Variants in REXO1 observed in about 807,000 individuals in gnomAD.
REXO1 encodes RNA exonuclease 1 homolog, also known as REX1, RNA exonuclease 1 homolog.
In REXO1, 42 loss-of-function variants were observed where a neutral mutation model predicts 102.6. The observed-to-expected ratio is 0.41, with a 90% confidence interval of 0.32 to 0.53. The LOEUF is 0.53. REXO1 is among the 20% of genes least tolerant of loss of function. The pLI is 0.27. For missense variants in REXO1, 1,819 were observed against 1,732.5 expected (o/e 1.05, Z -0.89); for synonymous variants, 908 against 779.1 (o/e 1.17, Z -2.76).
chr19:1,819,003 G>A lies in REXO1; in HGVS notation c.2764+15C>T. On this transcript the variant is annotated intron_variant, in intron 8 of 15. Coordinates refer to ENST00000170168, the MANE Select transcript of REXO1 (RefSeq NM_020695.4). ...CCACGAAGCACCGTGTGGCAGAGCA[G>A]GGGCAGGGCCTTACCTTTCAGGTCC... The A allele has an allele frequency of 1.3e-6, 2 of 1,593,970 alleles. No individual in the cohort carries two copies. The highest frequency in any genetic ancestry group is 8.6e-7 in the Non-Finnish European group (1 of 1,168,508).
intron 11 of REXO1, 79 bp from the exon 12 acceptor site, chr19:1,817,408 C>G: frequency 6.4e-7 from 1 of 1,571,110 alleles, no homozygotes; most frequent in Non-Finnish European, 8.6e-7. Context: ...CATCTCTGAG[C>G]CCTTCGGGAC....
intron 7 of REXO1, 68 bp from the exon 8 acceptor site, chr19:1,819,199 T>TGGCCCCCCC: frequency 1.7e-6 from 2 of 1,202,720 alleles, no homozygotes; most frequent in Non-Finnish European, 2.3e-6. Context: ...CCGCCTGCTC[T>TGGCCCCCCC]CCCACCCACC....
intron 1 of REXO1, among the ~76,000 whole-genome samples, chr19:1,840,444 A>T (rs1031645035): frequency 1.3e-5 from 2 of 152,122 alleles, no homozygotes; most frequent in Admixed American, 1.3e-4. Context: ...GAGACAGCAT[A>T]TCAACAGTGA....
chr19:1,845,514 A>G (rs1272588342), intron 1 of REXO1, among the ~76,000 whole-genome samples: 3 of 152,086 alleles, frequency 2.0e-5, no homozygotes, highest in Non-Finnish European at 4.4e-5. Context: ...AATTTTAAAC[A>G]TTAGCGAGGT....
Position 1,815,568 on chromosome 19 carries a change from G to C in REXO1, c.*498C>G. On this transcript the variant is annotated 3_prime_UTR_variant, in exon 16 of 16. Transcript: ENST00000170168. This position sits in a 1 kb window ranked among gnomAD's most constrained non-coding sequence, Gnocchi z 4.0. ...CTGGGGTCTGTCCCACCCCCACCCC[G>C]CAGGAGGGAAGGCAGCAGGCCCGCT... The C allele has an allele frequency of 4.3e-3, 1,603 of 372,926 alleles. 1 individual carries two copies. Among genetic ancestry groups the C allele is most frequent in the Non-Finnish European group, 6.7e-3 (1,452 of 215,848 alleles). The allele number at this position is 372,926 out of a possible 1,614,324, so 23.1% of individuals were successfully genotyped here.
At chr19:1,842,228 AAAGC>A (rs1008341880) in intron 1 of REXO1, among the ~76,000 whole-genome samples, 30 of 152,040 alleles carry the variant, frequency 2.0e-4, no homozygotes, top group Non-Finnish European at 3.7e-4. Flanking sequence ...AAAAAAAAAA[AAAGC>A]AGCAGCAGCA....
rs374402982 is a variant in REXO1, at chr19:1,819,999, T to C, written c.2585A>G (p.Asn862Ser). 1 of 1,599,062 alleles carries C rather than the reference T, an allele frequency of 6.3e-7. No individual in the cohort carries two copies. Among genetic ancestry groups the C allele is most frequent in the Non-Finnish European group, 8.5e-7 (1 of 1,175,816 alleles). The change falls in exon 7 of 16, where the codon AAT becomes AGT. Residue 862 changes from asparagine to serine, a missense_variant. Coordinates refer to ENST00000170168, the MANE Select transcript of REXO1 (RefSeq NM_020695.4). ...DRSPSKNIYLNVAVNTLKKLR... is the reference protein window; with the variant it reads ...DRSPSKNIYLSVAVNTLKKLR... The stretch of plus-strand genomic sequence containing the variant: ...CTTCTTGAGGGTGTTCACGGCCACA[T>C]TCAGGTAGATGTTCTTGCTGGGGCT...
At position 1,815,752 on chromosome 19, in the gene REXO1, G is replaced by T. The variant is rs1256265540; in HGVS notation, c.*314C>A. The T allele has an allele frequency of 7.0e-7, 1 of 1,424,112 alleles. No individual in the cohort carries two copies. Among genetic ancestry groups the T allele is most frequent in the Non-Finnish European group, 9.2e-7 (1 of 1,085,718 alleles). The allele number at this position is 1,424,112 out of a possible 1,614,324, so 88.2% of individuals were successfully genotyped here. On this transcript the variant is annotated 3_prime_UTR_variant, in exon 16 of 16. Transcript: ENST00000170168. The surrounding 1 kb of genome is among the most constrained non-coding windows in gnomAD (Gnocchi z 4.0). ...GAGGTGCCGGCCACCACCCGGGAGG[G>T]AGGGCCTGGCAGGAGGGGCAGGAGG...
At chr19:1,843,023 T>C (rs886391571) in intron 1 of REXO1, among the ~76,000 whole-genome samples, 1 of 152,136 alleles carries the variant, frequency 6.6e-6, no homozygotes, top group Non-Finnish European at 1.5e-5. Flanking sequence ...CCCTTTCCTC[T>C]AACCCCCTCC....
chr19:1,818,421 G>C (rs1416865034), intron 10 of REXO1, 61 bp downstream of exon 10: 1 of 1,328,032 alleles, frequency 7.5e-7, no homozygotes, highest in South Asian at 1.3e-5. Context: ...GGGGCCTCAA[G>C]GGAGGGCCCA....
At position 1,823,668 on chromosome 19, in the gene REXO1, G is replaced by T; in HGVS notation, c.2134C>A (p.Pro712Thr). 3 of 1,294,466 alleles carry T rather than the reference G, an allele frequency of 2.3e-6. No individual in the cohort carries two copies. Among genetic ancestry groups the T allele is most frequent in the Non-Finnish European group, 3.0e-6 (3 of 1,013,136 alleles). The allele number at this position is 1,294,466 out of a possible 1,614,324, so 80.2% of individuals were successfully genotyped here. A position where few individuals can be genotyped will look rare whatever the true frequency, so the allele number is the denominator to read the frequency against. ...GGCGACTTCTCTGCCAGCCTGGCGG[G>T]GGCCTGCAGCAAGCTCGCCGATGCC... ...QRASASLLQA[P>T]ARLAEKSPSV... Residue 712 changes from proline (P) to threonine (T), a missense_variant, in exon 4 of 16, where the codon CCC becomes ACC. Coordinates refer to ENST00000170168, the MANE Select transcript of REXO1 (RefSeq NM_020695.4).
intron 1 of REXO1, among the ~76,000 whole-genome samples, chr19:1,844,174 G>A (rs1198806487): frequency 2.6e-5 from 4 of 152,260 alleles, no homozygotes; most frequent in South Asian, 2.1e-4. Context: ...AGAGGAGGCA[G>A]GCAGGGCCCC....
In REXO1 at chr19:1,817,265, A is replaced by T. The variant is rs778404656; in HGVS notation, c.3155T>A (p.Leu1052His). ...GATCCCCGGGTGGGTGTCTCCTGAG[A>T]GCTCTTTCTCAAAGGTCTTCACGAA... ...EGFVKTFEKE[L>H]SGDTHPGIYA... Residue 1052 changes from leucine to histidine, a missense_variant, in exon 12 of 16, where the codon CTC becomes CAC. Physicochemically the swap from Leu to His is moderately conservative, Grantham distance 99. Transcript: ENST00000170168. 1 of 1,613,108 alleles carries T rather than the reference A, an allele frequency of 6.2e-7. No individual in the cohort carries two copies. The highest frequency in any genetic ancestry group is 1.7e-5 in the Admixed American group (1 of 60,002).
intron 1 of REXO1, among the ~76,000 whole-genome samples, chr19:1,834,502 C>T (rs544913332): frequency 1.3e-5 from 2 of 152,152 alleles, no homozygotes; most frequent in Admixed American, 1.3e-4. Context: ...GAAGCTTTGC[C>T]TCCCCGGCTC....
intron 1 of REXO1, among the ~76,000 whole-genome samples, chr19:1,831,262 C>T (rs534089635): frequency 1.3e-5 from 2 of 152,334 alleles, no homozygotes; most frequent in East Asian, 1.9e-4. Context: ...CGCACCAAGA[C>T]GCCACTTGGC....
At chr19:1,822,958 C>T (rs1193949297) in intron 4 of REXO1, 1 of 152,406 alleles carries the variant, frequency 6.6e-6, no homozygotes, top group Non-Finnish European at 1.5e-5. Flanking sequence ...TTTTTAGGAG[C>T]TTTCTGGGGG....
intron 2 of REXO1, 57 bp from the exon 3 acceptor site, chr19:1,826,000 A>G: frequency 1.6e-6 from 2 of 1,289,034 alleles, no homozygotes; most frequent in Non-Finnish European, 2.3e-6. Context: ...ACACCAACAC[A>G]CCCCAACCTC....
At chr19:1,825,465 A>G (rs549599530) in intron 3 of REXO1, among the ~76,000 whole-genome samples, 2 of 142,810 alleles carry the variant, frequency 1.4e-5, no homozygotes, top group South Asian at 4.7e-4. Context: ...ACAAAGCAAG[A>G]CCCCCTTTTT....
chr19:1,827,563 T>C lies in REXO1; in HGVS notation c.1226A>G (p.Glu409Gly), dbSNP rs1336377513. 6.3e-7 allele frequency: 1 copy of C among 1,595,632 alleles called. No homozygotes were observed. The highest frequency in any genetic ancestry group is 8.5e-7 in the Non-Finnish European group (1 of 1,176,604). Residue 409 changes from glutamate (E) to glycine (G), a missense_variant, in exon 2 of 16, where the codon GAG (glutamate) becomes GGG (glycine). Physicochemically the swap from Glu to Gly is moderately conservative, Grantham distance 98. Coordinates refer to ENST00000170168, the MANE Select transcript of REXO1 (RefSeq NM_020695.4). ...TKDKGRGRPVEKPRADKKGPQ... is the reference protein window; with the variant it reads ...TKDKGRGRPVGKPRADKKGPQ... ...GCCCTTCTTGTCCGCACGGGGCTTC[T>C]CCACAGGCCGCCCTCGGCCCTTGTC... is the stretch of plus-strand genomic sequence containing the variant.
Sources: gnomAD v4.1 joint callset for allele counts (sites outside exome capture counted in the v4.1 genomes callset) on GRCh38, gnomAD v4.1.1 for gene constraint, Gnocchi (gnomAD v3.1) non-coding constraint, MANE v1.5 for transcripts, NCBI Gene and HGNC (gene_info 2026-07-23, HGNC 2026-07-21) for gene names.